Variants in SLC44A5 observed in about 807,000 individuals in gnomAD.
The protein encoded by SLC44A5 is choline transporter-like protein 5.
Under a neutral mutation model 101.8 loss-of-function variants are expected in SLC44A5, and 57 were observed. That is an observed-to-expected ratio of 0.56 (90% CI 0.45 to 0.70). The LOEUF is 0.70. SLC44A5 is among the 30% of genes least tolerant of loss of function. The probability of loss-of-function intolerance (pLI) is 0.00; values close to 1 mark genes in which losing one functional copy is unlikely to be tolerated. For synonymous variants in SLC44A5, 281 were observed against 290.9 expected (o/e 0.97, Z 0.35); for missense variants, 737 against 853.1 (o/e 0.86, Z 1.70).
chr1:75,480,848 A>C (rs1039749537), intron 2 of SLC44A5, among the ~76,000 whole-genome samples: 2 of 152,224 alleles, frequency 1.3e-5, no homozygotes, highest in African/African-American at 4.8e-5. Flanking sequence ...ATATAGATTC[A>C]ATGCCATCCC....
At chr1:75,221,750 C>T (rs1178100679) in intron 14 of SLC44A5, among the ~76,000 whole-genome samples, 2 of 152,136 alleles carry the variant, frequency 1.3e-5, no homozygotes, top group Admixed American at 1.3e-4. Flanking sequence ...CACTTACTTT[C>T]ACATGTGTCA....
chr1:75,604,421 C>A (rs1270508098), intron 1 of SLC44A5, among the ~76,000 whole-genome samples: 1 of 151,954 alleles, frequency 6.6e-6, no homozygotes, highest in East Asian at 1.9e-4. Flanking sequence ...TGTAGCCTTA[C>A]AATATAGTTT....
intron 2 of SLC44A5, among the ~76,000 whole-genome samples, chr1:75,425,086 T>G (rs376181186): frequency 3.9e-5 from 6 of 152,356 alleles, no homozygotes; most frequent in South Asian, 4.1e-4. Flanking sequence ...CTTCATTTAT[T>G]GTAGCTCTTT....
intron 3 of SLC44A5, among the ~76,000 whole-genome samples, chr1:75,345,475 A>G (rs953464606): frequency 6.6e-5 from 10 of 152,186 alleles, no homozygotes; most frequent in African/African-American, 2.4e-4. Context: ...AATATGGGAA[A>G]CAGTAAAATG....
intron 22 of SLC44A5, among the ~76,000 whole-genome samples, chr1:75,213,253 A>G (rs1261723832): frequency 6.6e-6 from 1 of 152,192 alleles, no homozygotes; most frequent in African/African-American, 2.4e-5. Flanking sequence ...GGGTTGGCAT[A>G]AAGTAAGACC....
chr1:75,323,896 A>T (rs1656375021), intron 4 of SLC44A5, among the ~76,000 whole-genome samples: 1 of 152,216 alleles, frequency 6.6e-6, no homozygotes, highest in Non-Finnish European at 1.5e-5. Flanking sequence ...GCAACCAACA[A>T]CTGCCATTTC....
chr1:75,471,528 A>C (rs1667111599), intron 2 of SLC44A5, among the ~76,000 whole-genome samples: 1 of 152,104 alleles, frequency 6.6e-6, no homozygotes, highest in Non-Finnish European at 1.5e-5. Context: ...TATCTCAATC[A>C]TGGCAGGGGG....
chr1:75,413,649 C>A (rs1009005029), intron 2 of SLC44A5, among the ~76,000 whole-genome samples: 1 of 152,098 alleles, frequency 6.6e-6, no homozygotes, highest in African/African-American at 2.4e-5. Flanking sequence ...GTACAACTTC[C>A]TTTCTCTCTA....
intron 1 of SLC44A5, among the ~76,000 whole-genome samples, chr1:75,552,387 T>C (rs1671982940): frequency 6.6e-6 from 1 of 152,130 alleles, no homozygotes; most frequent in African/African-American, 2.4e-5. Flanking sequence ...ATAAGCCCCA[T>C]TTTTACAATA....
At chr1:75,532,991 G>A (rs1057160899) in intron 2 of SLC44A5, among the ~76,000 whole-genome samples, 1 of 152,144 alleles carries the variant, frequency 6.6e-6, no homozygotes, top group Non-Finnish European at 1.5e-5. Context: ...TATTGAAACA[G>A]TTTCTACTTC....
In SLC44A5 at chr1:75,538,353, C is replaced by T. The variant is rs1671166627; in HGVS notation, c.13+3082G>A. 2.0e-5 allele frequency among the ~76,000 whole-genome samples: 3 copies of T among 152,158 alleles called. No homozygotes were observed. The South Asian group carries it at 6.2e-4, about 32-fold the overall frequency. On this transcript the variant is annotated intron_variant, in intron 2 of 23. Coordinates refer to ENST00000370859, the MANE Select transcript of SLC44A5 (RefSeq NM_001130058.2). ...ATCAGTATGCTTGAGGGTATGACCA[C>T]TGGAAAACACAGATATAGATATGAT... is the stretch of plus-strand genomic sequence containing the variant.
intron 4 of SLC44A5, among the ~76,000 whole-genome samples, chr1:75,335,792 C>T (rs1657396449): frequency 6.6e-6 from 1 of 152,092 alleles, no homozygotes; most frequent in South Asian, 2.1e-4. Flanking sequence ...TTCCAAATTC[C>T]TAAGTTTGGA....
the SLC44A5 span, among the ~76,000 whole-genome samples, chr1:75,670,006 A>G: frequency 5.9e-5 from 9 of 152,226 alleles, no homozygotes; most frequent in Admixed American, 5.9e-4. Flanking sequence ...AGCACTTACT[A>G]TACAAATTAG....
At chr1:75,429,581 T>G (rs1664496406) in intron 2 of SLC44A5, among the ~76,000 whole-genome samples, 1 of 152,088 alleles carries the variant, frequency 6.6e-6, no homozygotes, top group Admixed American at 6.6e-5. Context: ...GAAAATGAGG[T>G]TTATTTTGGC....
chr1:75,364,199 C>T (rs181014298), intron 3 of SLC44A5, among the ~76,000 whole-genome samples: 103 of 152,214 alleles, frequency 6.8e-4, no homozygotes, highest in African/African-American at 2.4e-3. Flanking sequence ...ACCATTCTTG[C>T]ATTGCTATAA....
At chr1:75,420,297 T>C (rs1343520) in intron 2 of SLC44A5, among the ~76,000 whole-genome samples, 50,163 of 151,850 alleles carry the variant, frequency 0.33, 9,322 homozygotes, top group East Asian at 0.82. Flanking sequence ...CTAAGACAAT[T>C]GGTAAAAAAT....
At chr1:75,423,901 C>T (rs1214022282) in intron 2 of SLC44A5, among the ~76,000 whole-genome samples, 2 of 152,200 alleles carry the variant, frequency 1.3e-5, no homozygotes, top group African/African-American at 4.8e-5. Context: ...GTTTGTTGCT[C>T]AGGGTATAAG....
At chr1:75,621,916 G>A in the SLC44A5 span, among the ~76,000 whole-genome samples, 7 of 151,962 alleles carry the variant, frequency 4.6e-5, no homozygotes, top group South Asian at 4.1e-4. Context: ...ATGAAGGGGC[G>A]GAGAAACTGA....
At chr1:75,537,608 C>G (rs1230319332) in intron 2 of SLC44A5, among the ~76,000 whole-genome samples, 1 of 152,240 alleles carries the variant, frequency 6.6e-6, no homozygotes, top group Non-Finnish European at 1.5e-5. Flanking sequence ...ATCTGCCCAT[C>G]ATCAAACTGA....
Sources: allele counts gnomAD v4.1 joint callset (sites outside exome capture counted in the v4.1 genomes callset), GRCh38; gene constraint gnomAD v4.1.1; transcripts MANE v1.5; gene names NCBI Gene and HGNC (gene_info 2026-07-23, HGNC 2026-07-21).